The following RIC8B variants were observed in gnomAD, a reference collection of about 807,000 sequenced individuals.
RIC8B encodes chaperone Ric-8B.
In RIC8B, 16 loss-of-function variants were observed where a neutral mutation model predicts 57.5. The ratio of observed to expected loss-of-function variants is 0.28; its 90% CI spans 0.19 to 0.42. RIC8B has a LOEUF of 0.42. Ranked by LOEUF, RIC8B falls within the 10% of genes least tolerant of loss-of-function variation. The pLI is 1.00. For missense variants in RIC8B, 481 were observed against 677.0 expected (o/e 0.71, Z 3.21); for synonymous variants, 216 against 250.8 (o/e 0.86, Z 1.31).
At chr12:106,857,718 C>T (rs892385701) in intron 7 of RIC8B, among the ~76,000 whole-genome samples, 1 of 152,004 alleles carries the variant, frequency 6.6e-6, no homozygotes. Context: ...GTCAGTTTTC[C>T]GTTTACTACT....
intron 2 of RIC8B, among the ~76,000 whole-genome samples, chr12:106,786,732 T>C (rs1348223969): frequency 6.6e-6 from 1 of 152,216 alleles, no homozygotes; most frequent in Non-Finnish European, 1.5e-5. Flanking sequence ...ATGGCTCATT[T>C]ACATTATGGA....
chr12:106,864,125 C>G (rs951272809), intron 8 of RIC8B, among the ~76,000 whole-genome samples: 1 of 152,062 alleles, frequency 6.6e-6, no homozygotes, highest in African/African-American at 2.4e-5. Context: ...TACCCTATTT[C>G]TTTTATGGAG....
intron 6 of RIC8B, among the ~76,000 whole-genome samples, chr12:106,844,644 G>T (rs1340176920): frequency 6.6e-6 from 1 of 152,146 alleles, no homozygotes; most frequent in Non-Finnish European, 1.5e-5. Flanking sequence ...AGATATCCTG[G>T]CTACTATTTG....
At chr12:106,880,638 G>C (rs922271584) in intron 9 of RIC8B, among the ~76,000 whole-genome samples, 1 of 152,160 alleles carries the variant, frequency 6.6e-6, no homozygotes, top group African/African-American at 2.4e-5. Flanking sequence ...CTGCTGAACT[G>C]TCAGAATGTC....
Position 106,810,718 on chromosome 12 carries a change from T to C in RIC8B, c.133-3978T>C, listed in dbSNP as rs2045298197. 2.0e-5 allele frequency among the ~76,000 whole-genome samples: 3 copies of C among 152,174 alleles called. No individual in the cohort carries two copies. In the South Asian group the frequency reaches 6.2e-4, roughly 32 times the overall value. The stretch of plus-strand genomic sequence containing the variant: ...AATATAGCTAAAGAGGAAAATTTGA[T>C]AAGAATAGTATGAAAGAAGACTCAG... On this transcript the variant is annotated intron_variant, in intron 2 of 9. Transcript: ENST00000392837.
chr12:106,810,087 C>T (rs2045266086), intron 2 of RIC8B, among the ~76,000 whole-genome samples: 1 of 149,592 alleles, frequency 6.7e-6, no homozygotes, highest in Non-Finnish European at 1.5e-5. Flanking sequence ...TAGTAGTCAC[C>T]ATTAAAGAGT....
chr12:106,816,353 C>A (rs538764212), intron 3 of RIC8B, among the ~76,000 whole-genome samples: 3 of 152,224 alleles, frequency 2.0e-5, no homozygotes, highest in Admixed American at 2.0e-4. Context: ...AGTTTTAAAG[C>A]GCAAATAGAT....
At chr12:106,786,005 C>T (rs182200986) in intron 2 of RIC8B, among the ~76,000 whole-genome samples, 16 of 151,766 alleles carry the variant, frequency 1.1e-4, no homozygotes, top group Admixed American at 8.5e-4. Context: ...TGCCACCATG[C>T]CCAGCCAATT....
At chr12:106,792,677 C>G (rs1446671077) in intron 2 of RIC8B, among the ~76,000 whole-genome samples, 3 of 152,194 alleles carry the variant, frequency 2.0e-5, no homozygotes, top group African/African-American at 4.8e-5. Flanking sequence ...GTGTCTCACT[C>G]TTGTAATCCC....
At chr12:106,833,455 G>GC (rs2136370176) in intron 4 of RIC8B, among the ~76,000 whole-genome samples, 1 of 152,178 alleles carries the variant, frequency 6.6e-6, no homozygotes, top group African/African-American at 2.4e-5. Context: ...TACAAAATTA[G>GC]CAAGGCATGA....
chr12:106,886,227 C>T lies in RIC8B; in HGVS notation c.*212C>T, dbSNP rs1229529570. The T allele has an allele frequency of 2.6e-5, 12 of 460,050 alleles. No homozygotes were observed. Among genetic ancestry groups the T allele is most frequent in the East Asian group, 1.0e-4 (3 of 29,390 alleles). 28.5% of individuals were successfully genotyped at this position (460,050 alleles called of 1,614,324 possible). A position where few individuals can be genotyped will look rare whatever the true frequency, so the allele number is the denominator to read the frequency against. On this transcript the variant is annotated 3_prime_UTR_variant, in exon 10 of 10. Transcript: ENST00000392837. ...ACAGAGCTGCAGTTAGACGGGGTTA[C>T]GGGGGCTAAAAGCAGAAAAAAAATT... is the stretch of plus-strand genomic sequence containing the variant.
At chr12:106,775,357 A>G in intron 1 of RIC8B, 1 of 456,028 alleles carries the variant, frequency 2.2e-6, no homozygotes, top group Non-Finnish European at 4.4e-6. Context: ...CATCCTCCCC[A>G]TTTTATAGAT....
intron 2 of RIC8B, among the ~76,000 whole-genome samples, chr12:106,795,204 T>C (rs1198028773): frequency 6.6e-6 from 1 of 152,180 alleles, no homozygotes; most frequent in African/African-American, 2.4e-5. Context: ...TTATTGGATT[T>C]GTAATTTTTA....
intron 3 of RIC8B, among the ~76,000 whole-genome samples, chr12:106,821,718 T>C (rs572679757): frequency 6.6e-6 from 1 of 152,080 alleles, no homozygotes; most frequent in Non-Finnish European, 1.5e-5. Context: ...GCAATGACTC[T>C]CTTCAGAATA....
chr12:106,862,912 G>A (rs1949998728), intron 8 of RIC8B, among the ~76,000 whole-genome samples: 2 of 152,096 alleles, frequency 1.3e-5, no homozygotes, highest in African/African-American at 2.4e-5. Context: ...CACACTTAGA[G>A]AAAATATACT....
At chr12:106,831,681 CT>C (rs1326314887) in intron 4 of RIC8B, among the ~76,000 whole-genome samples, 1 of 152,222 alleles carries the variant, frequency 6.6e-6, no homozygotes, top group Non-Finnish European at 1.5e-5. Flanking sequence ...GAATATCATG[CT>C]ATCATGCTAA....
intron 3 of RIC8B, among the ~76,000 whole-genome samples, chr12:106,818,902 G>C (rs1025440969): frequency 6.6e-6 from 1 of 152,076 alleles, no homozygotes; most frequent in Admixed American, 6.6e-5. Context: ...GAGTAGCTGA[G>C]ATTACAGGCA....
rs147924117 is a variant in RIC8B, at chr12:106,811,455, G to A, written c.133-3241G>A. The stretch of plus-strand genomic sequence containing the variant: ...CTCTAGGGATGAGGTGCAACAGTCT[G>A]TTTTTTAAAAGTCCTTTAGGTGATT... On this transcript the variant is annotated intron_variant, in intron 2 of 9. Transcript: ENST00000392837. Among the ~76,000 whole-genome samples the A allele has an allele frequency of 2.0e-5, 3 of 152,330 alleles. No individual in the cohort carries two copies. The East Asian group carries it at 5.8e-4, about 29-fold the overall frequency.
intron 9 of RIC8B, among the ~76,000 whole-genome samples, chr12:106,881,684 T>G (rs988899351): frequency 6.6e-6 from 1 of 152,134 alleles, no homozygotes; most frequent in African/African-American, 2.4e-5. Context: ...AGTCCCAGAT[T>G]ATAAATGAGA....
Sources: allele counts gnomAD v4.1 joint callset (sites outside exome capture counted in the v4.1 genomes callset), GRCh38; gene constraint gnomAD v4.1.1; transcripts MANE v1.5; gene names NCBI Gene and HGNC (gene_info 2026-07-23, HGNC 2026-07-21).